NELL1: variants seen among roughly 807,000 people sequenced by gnomAD.
The protein encoded by NELL1 is protein kinase C-binding protein NELL1.
Under a neutral mutation model 107.4 loss-of-function variants are expected in NELL1, and 76 were observed. The ratio of observed to expected loss-of-function variants is 0.71; its 90% CI spans 0.59 to 0.86. The LOEUF (loss-of-function observed/expected upper bound fraction) is 0.86. NELL1 is among the 40% of genes least tolerant of loss of function. The pLI, the probability that NELL1 is intolerant of heterozygous loss-of-function variation, is 0.00. For synonymous variants in NELL1, 353 were observed against 341.2 expected (o/e 1.03, Z -0.38); for missense variants, 1,024 against 1,005.5 (o/e 1.02, Z -0.25).
At chr11:21,231,733 G>T (rs1022991697) in intron 14 of NELL1, among the ~76,000 whole-genome samples, 2 of 152,168 alleles carry the variant, frequency 1.3e-5, no homozygotes, top group African/African-American at 4.8e-5. Flanking sequence ...TTTAAATAAT[G>T]TTCCTGATGT....
intron 3 of NELL1, among the ~76,000 whole-genome samples, chr11:20,817,775 C>T (rs555211506): frequency 1.3e-5 from 2 of 151,654 alleles, no homozygotes; most frequent in East Asian, 3.9e-4. Context: ...GACATTTCCT[C>T]TTTATACTGC....
intron 12 of NELL1, among the ~76,000 whole-genome samples, chr11:21,032,157 A>C (rs977522793): frequency 6.6e-6 from 1 of 151,808 alleles, no homozygotes; most frequent in East Asian, 1.9e-4. Context: ...TTTATGTGTT[A>C]ATTATTAATC....
At chr11:21,289,592 G>C (rs114293931) in intron 14 of NELL1, among the ~76,000 whole-genome samples, 1 of 152,170 alleles carries the variant, frequency 6.6e-6, no homozygotes, top group Non-Finnish European at 1.5e-5. Flanking sequence ...GGCAGTTTGG[G>C]CAGACAGGGA....
chr11:21,016,665 C>T (rs1852572229), intron 12 of NELL1, among the ~76,000 whole-genome samples: 1 of 152,064 alleles, frequency 6.6e-6, no homozygotes, highest in African/African-American at 2.4e-5. Flanking sequence ...AGGTTACTGC[C>T]ACATGTCCTA....
chr11:21,214,678 C>T (rs1348313994), intron 13 of NELL1, among the ~76,000 whole-genome samples: 1 of 151,908 alleles, frequency 6.6e-6, no homozygotes, highest in African/African-American at 2.4e-5. Context: ...CCTGCAATCA[C>T]ACTTTCGGAT....
At chr11:21,144,256 A>G (rs745887894) in intron 13 of NELL1, among the ~76,000 whole-genome samples, 14 of 152,308 alleles carry the variant, frequency 9.2e-5, no homozygotes, top group Middle Eastern at 3.4e-3. Context: ...GGATGATGCT[A>G]TGGAACACCT....
intron 2 of NELL1, among the ~76,000 whole-genome samples, chr11:20,755,560 T>TTTTTTTTTTTTTTA (rs1564895091): frequency 6.8e-5 from 1 of 14,680 alleles, no homozygotes; most frequent in Admixed American, 9.7e-4. Flanking sequence ...GTTTTTGTTT[T>TTTTTTTTTTTTTTA]TGTTTTTTTT....
At chr11:21,313,465 C>G (rs76175755) in intron 14 of NELL1, among the ~76,000 whole-genome samples, 3,628 of 152,258 alleles carry the variant, frequency 0.024, 146 homozygotes, top group African/African-American at 0.084. Flanking sequence ...GCGCCTGTTA[C>G]AGTGACTGAG....
At chr11:21,122,818 CAG>C (rs896538998) in intron 13 of NELL1, among the ~76,000 whole-genome samples, 1 of 152,040 alleles carries the variant, frequency 6.6e-6, no homozygotes, top group Non-Finnish European at 1.5e-5. Context: ...TAAAAAAAAA[CAG>C]AATAACATCA....
intron 14 of NELL1, among the ~76,000 whole-genome samples, chr11:21,334,660 A>C (rs1850347307): frequency 6.6e-6 from 1 of 151,754 alleles, no homozygotes; most frequent in South Asian, 2.1e-4. Context: ...CACGCCTACA[A>C]TTTTCTGGTA....
At chr11:20,698,448 T>G (rs1040265435) in intron 2 of NELL1, among the ~76,000 whole-genome samples, 2 of 152,170 alleles carry the variant, frequency 1.3e-5, no homozygotes, top group African/African-American at 4.8e-5. Context: ...TGCAAAATCA[T>G]AAGAATTATT....
intron 14 of NELL1, among the ~76,000 whole-genome samples, chr11:21,311,500 C>A (rs895099536): frequency 5.9e-5 from 9 of 152,052 alleles, no homozygotes; most frequent in Admixed American, 5.9e-4. Context: ...ATTTTTATCT[C>A]TTTTTACACA....
At position 21,100,048 on chromosome 11, in the gene NELL1, G is replaced by T. The variant is rs531843232; in HGVS notation, c.1301-13541G>T. Among the ~76,000 whole-genome samples the T allele has an allele frequency of 1.0e-4, 15 of 150,670 alleles. No individual in the cohort carries two copies. The East Asian group carries it at 2.7e-3, about 27-fold the overall frequency. ...TTTTTTTTTTGAGACACAGAGTATT[G>T]CTTTGTTGCCCAGGCTGGAGTACAA... On this transcript the variant is annotated intron_variant, in intron 12 of 19. Coordinates refer to ENST00000357134, the MANE Select transcript of NELL1 (RefSeq NM_006157.5).
chr11:21,493,864 T>C (rs962368916), intron 15 of NELL1, among the ~76,000 whole-genome samples: 8 of 152,042 alleles, frequency 5.3e-5, no homozygotes, highest in Non-Finnish European at 1.0e-4. Context: ...ACTCATACCC[T>C]ATAAATATGT....
intron 14 of NELL1, among the ~76,000 whole-genome samples, chr11:21,242,247 T>C (rs1467536427): frequency 6.6e-6 from 1 of 152,138 alleles, no homozygotes; most frequent in East Asian, 1.9e-4. Context: ...AGTGGTTGTG[T>C]GTCACAGTGA....
chr11:20,732,896 T>C (rs952455994), intron 2 of NELL1, among the ~76,000 whole-genome samples: 1 of 152,184 alleles, frequency 6.6e-6, no homozygotes, highest in Non-Finnish European at 1.5e-5. Context: ...CCAGGTACCA[T>C]TCCAGGTTCT....
intron 15 of NELL1, among the ~76,000 whole-genome samples, chr11:21,510,192 A>T (rs1029610190): frequency 6.6e-6 from 1 of 152,208 alleles, no homozygotes; most frequent in South Asian, 2.1e-4. Context: ...CTTGTTTCCA[A>T]GTATAGATCA....
In NELL1 at chr11:21,313,052, CAAAATAAAATAAAAT is replaced by C. The variant is rs10616259; in HGVS notation, c.1550-57783_1550-57769del. Among the ~76,000 whole-genome samples the C allele has an allele frequency of 1.1e-4, 16 of 147,274 alleles. 1 individual carries two copies. The highest frequency in any genetic ancestry group is 3.5e-4 in the African/African-American group (14 of 40,044). On this transcript the variant is annotated intron_variant, in intron 14 of 19. Coordinates refer to ENST00000357134, the MANE Select transcript of NELL1 (RefSeq NM_006157.5). ...GATCATGCCACTGCACTCCCCGTCT[CAAAATAAAATAAAAT>C]AAAATAAAATAAAATAATAAAATAA...
Position 21,058,391 on chromosome 11 carries a change from G to GAGA in NELL1, c.1301-55198_1301-55197insAGA, listed in dbSNP as rs550656502. Among the ~76,000 whole-genome samples, 360 of 152,232 alleles carry GAGA rather than the reference G, an allele frequency of 2.4e-3. 1 individual carries two copies. Among genetic ancestry groups the GAGA allele is most frequent in the African/African-American group, 8.3e-3 (343 of 41,554 alleles). ...TGAAATGACATATTCCAAGCTCTAAGTGAAACAAATGTTTGGTTTAGCTTG... is the reference window on the plus strand; with the variant it reads ...TGAAATGACATATTCCAAGCTCTAAGAGATGAAACAAATGTTTGGTTTAGCTTG... On this transcript the variant is annotated intron_variant, in intron 12 of 19. Coordinates refer to ENST00000357134, the MANE Select transcript of NELL1 (RefSeq NM_006157.5).
Sources: gnomAD v4.1 joint callset for allele counts (sites outside exome capture counted in the v4.1 genomes callset) on GRCh38, gnomAD v4.1.1 for gene constraint, MANE v1.5 for transcripts, NCBI Gene and HGNC (gene_info 2026-07-23, HGNC 2026-07-21) for gene names.